The following DEPTOR variants were observed in gnomAD, a reference collection of about 807,000 sequenced individuals.
The protein encoded by DEPTOR is DEP domain-containing mTOR-interacting protein.
Under a neutral mutation model 41.6 loss-of-function variants are expected in DEPTOR, and 41 were observed. The ratio of observed to expected loss-of-function variants is 0.98; its 90% CI spans 0.77 to 1.28. The LOEUF is 1.28. Ranked by LOEUF, DEPTOR falls within the 50% of genes most tolerant of loss-of-function variation. The pLI is 0.00. For missense variants in DEPTOR, 514 were observed against 527.9 expected, an observed-to-expected ratio of 0.97 and a Z score of 0.26; for synonymous variants, 195 against 192.3, an observed-to-expected ratio of 1.01 and a Z score of -0.12.
At chr8:119,942,573 T>G (rs1436535930) in intron 3 of DEPTOR, among the ~76,000 whole-genome samples, 1 of 152,222 alleles carries the variant, frequency 6.6e-6, no homozygotes. Flanking sequence ...TGGTGGAGAT[T>G]GACTGTGCTG....
intron 8 of DEPTOR, among the ~76,000 whole-genome samples, chr8:120,024,223 C>A (rs1179280971): frequency 6.6e-6 from 1 of 151,912 alleles, no homozygotes; most frequent in Admixed American, 6.6e-5. Flanking sequence ...GGTGACAGAG[C>A]AAGACTCTGT....
At chr8:119,985,847 T>G (rs1828822983) in intron 4 of DEPTOR, among the ~76,000 whole-genome samples, 1 of 125,978 alleles carries the variant, frequency 7.9e-6, no homozygotes, top group African/African-American at 3.2e-5. Context: ...TTTTTTTTTT[T>G]TTTTTTTTTT....
At chr8:119,884,053 A>T (rs544786014) in intron 1 of DEPTOR, among the ~76,000 whole-genome samples, 1 of 152,300 alleles carries the variant, frequency 6.6e-6, no homozygotes, top group South Asian at 2.1e-4. Flanking sequence ...CCCTCGTTTC[A>T]TTAGAGTTAG....
chr8:120,046,878 G>A (rs1297873019), intron 8 of DEPTOR, among the ~76,000 whole-genome samples: 1 of 152,184 alleles, frequency 6.6e-6, no homozygotes, highest in Non-Finnish European at 1.5e-5. Context: ...GTGTTAGGAA[G>A]ATAGGAAGCC....
intron 1 of DEPTOR, among the ~76,000 whole-genome samples, chr8:119,901,574 G>C (rs994211833): frequency 2.0e-5 from 3 of 151,862 alleles, no homozygotes; most frequent in Non-Finnish European, 4.4e-5. Context: ...TACTTGGGAA[G>C]CTGAGGCAGG....
At chr8:119,987,604 G>C (rs1828846183) in intron 4 of DEPTOR, among the ~76,000 whole-genome samples, 1 of 152,188 alleles carries the variant, frequency 6.6e-6, no homozygotes, top group Non-Finnish European at 1.5e-5. Flanking sequence ...AGACAGGGAG[G>C]TTTAGGTCTG....
At chr8:119,978,566 A>G (rs1233200846) in intron 4 of DEPTOR, among the ~76,000 whole-genome samples, 2 of 152,118 alleles carry the variant, frequency 1.3e-5, no homozygotes, top group Non-Finnish European at 2.9e-5. Flanking sequence ...TAAGCAGTGA[A>G]TTGTTTCCAT....
intron 1 of DEPTOR, among the ~76,000 whole-genome samples, chr8:119,911,578 A>G (rs1277794158): frequency 6.6e-6 from 1 of 152,084 alleles, no homozygotes; most frequent in African/African-American, 2.4e-5. Context: ...TCAGCCTCCC[A>G]AAGTGCTAGG....
chr8:120,023,673 A>G (rs946179769), intron 8 of DEPTOR, among the ~76,000 whole-genome samples: 1 of 152,118 alleles, frequency 6.6e-6, no homozygotes, highest in Non-Finnish European at 1.5e-5. Flanking sequence ...ATCCTCCAAA[A>G]CAATGATTAA....
chr8:120,019,237 G>A (rs1812658962), intron 8 of DEPTOR, among the ~76,000 whole-genome samples: 1 of 152,158 alleles, frequency 6.6e-6, no homozygotes, highest in South Asian at 2.1e-4. Flanking sequence ...CCCAGGAGGA[G>A]GAGGTTGCAG....
intron 1 of DEPTOR, among the ~76,000 whole-genome samples, chr8:119,914,141 G>C (rs1042425467): frequency 2.0e-5 from 3 of 151,456 alleles, no homozygotes; most frequent in Non-Finnish European, 4.4e-5. Context: ...CACCTCCTGG[G>C]TTCAAGCGAT....
rs1205709920 is a variant in DEPTOR at position 119,928,452 on chromosome 8, AC to A, written c.177del (p.Tyr60ThrfsTer10). ...TAAAGATAGACGTCATCATCTCAAG[AC>A]CTACCCAAACTGTTTTGTCGCAAAA... ...VIKDRRHHLK[T>X]YPNCFVAKEL... On this transcript the variant is annotated frameshift_variant, in exon 2 of 9. Transcript: ENST00000286234. LOFTEE classifies it high-confidence loss of function. 6.2e-7 allele frequency: 1 copy of A among 1,614,182 alleles called. No individual in the cohort carries two copies. Among genetic ancestry groups the A allele is most frequent in the Non-Finnish European group, 8.5e-7 (1 of 1,180,028 alleles).
intron 3 of DEPTOR, among the ~76,000 whole-genome samples, chr8:119,940,704 C>T (rs575955919): frequency 6.6e-6 from 1 of 152,064 alleles, no homozygotes; most frequent in Non-Finnish European, 1.5e-5. Flanking sequence ...CGCGCCATTG[C>T]ACTCCAGCGT....
At chr8:119,887,795 G>A (rs1827392112) in intron 1 of DEPTOR, among the ~76,000 whole-genome samples, 1 of 151,406 alleles carries the variant, frequency 6.6e-6, no homozygotes. Flanking sequence ...GTGAGCCACT[G>A]CAGCTGTTTT....
intron 1 of DEPTOR, 93 bp downstream of exon 1, chr8:119,874,061 TTGCGACTCGCGTGGGGCGCCG>T: frequency 6.4e-7 from 1 of 1,569,508 alleles, no homozygotes; most frequent in Non-Finnish European, 8.6e-7. Flanking sequence ...GGCTCGTGGC[TTGCGACTCGCGTGGGGCGCCG>T]GAACGGCTGC....
At chr8:119,898,646 C>T (rs1827550463) in intron 1 of DEPTOR, among the ~76,000 whole-genome samples, 2 of 151,722 alleles carry the variant, frequency 1.3e-5, no homozygotes, top group African/African-American at 4.8e-5. Context: ...ATCGCTGGAG[C>T]CCAGGAGGCA....
At chr8:119,883,203 G>A (rs535498079) in intron 1 of DEPTOR, among the ~76,000 whole-genome samples, 2 of 152,050 alleles carry the variant, frequency 1.3e-5, no homozygotes, top group South Asian at 4.2e-4. Flanking sequence ...GGCCGGGCGC[G>A]GTGGCTCACC....
chr8:119,927,149 G>A (rs1238690884), intron 1 of DEPTOR, among the ~76,000 whole-genome samples: 1 of 152,178 alleles, frequency 6.6e-6, no homozygotes, highest in Non-Finnish European at 1.5e-5. Context: ...ATAGGAGAAT[G>A]AGAAACAGAC....
At chr8:119,994,027 G>A (rs1164640760) in intron 4 of DEPTOR, among the ~76,000 whole-genome samples, 1 of 151,910 alleles carries the variant, frequency 6.6e-6, no homozygotes, top group Non-Finnish European at 1.5e-5. Context: ...GTGGTGGCAG[G>A]TGCCTGTAAT....
Sources: allele counts gnomAD v4.1 joint callset (sites outside exome capture counted in the v4.1 genomes callset), GRCh38; gene constraint gnomAD v4.1.1; transcripts MANE v1.5; gene names NCBI Gene and HGNC (gene_info 2026-07-23, HGNC 2026-07-21).